Variants in MGST2 observed in about 807,000 individuals in gnomAD.
MGST2 encodes the protein glutathione peroxidase MGST2.
In MGST2, 9 loss-of-function variants were observed where a neutral mutation model predicts 16.6. That is an observed-to-expected ratio of 0.54 (90% CI 0.33 to 0.95). The LOEUF is 0.95. Ranked by LOEUF, MGST2 falls within the 40% of genes least tolerant of loss-of-function variation. The probability of loss-of-function intolerance (pLI) is 0.03; values close to 1 mark genes in which losing one functional copy is unlikely to be tolerated. For missense variants in MGST2, 159 were observed against 175.1 expected (o/e 0.91, Z 0.52); for synonymous variants, 79 against 68.0 (o/e 1.16, Z -0.79).
At chr4:139,681,787 T>C (rs1330787923) in intron 2 of MGST2, among the ~76,000 whole-genome samples, 1 of 152,228 alleles carries the variant, frequency 6.6e-6, no homozygotes, top group Non-Finnish European at 1.5e-5. Context: ...GTACCGGGCA[T>C]TGTTATAATA....
intron 3 of MGST2, among the ~76,000 whole-genome samples, chr4:139,695,851 C>T (rs929446018): frequency 4.6e-5 from 7 of 152,114 alleles, no homozygotes; most frequent in African/African-American, 7.2e-5. Flanking sequence ...ACAGTTGACT[C>T]GAACAATGGA....
At chr4:139,691,706 T>G (rs962989332) in intron 2 of MGST2, among the ~76,000 whole-genome samples, 4 of 151,686 alleles carry the variant, frequency 2.6e-5, no homozygotes, top group Admixed American at 6.6e-5. Context: ...TGATTATTAT[T>G]ATTATTATTT....
chr4:139,676,543 T>C (rs1333726589), intron 1 of MGST2, among the ~76,000 whole-genome samples: 2 of 152,082 alleles, frequency 1.3e-5, no homozygotes, highest in Non-Finnish European at 2.9e-5. Flanking sequence ...CAGTCTTACC[T>C]CCTAGGGCCT....
At chr4:139,725,929 C>G in intron 5 of MGST2, 1 of 1,011,232 alleles carries the variant, frequency 9.9e-7, no homozygotes, top group Non-Finnish European at 1.5e-6. Flanking sequence ...GTAGTGTTTT[C>G]CCCAAAACTA....
rs143681107 is a variant in MGST2, at chr4:139,730,230, A to C, written c.*49-9982A>C. The C allele has an allele frequency of 6.6e-4, 408 of 618,488 alleles. 2 individuals are homozygous for C. The highest frequency in any genetic ancestry group is 5.9e-3 in the African/African-American group (323 of 54,348). 38.3% of individuals were successfully genotyped at this position (618,488 alleles called of 1,614,324 possible). A position where few individuals can be genotyped will look rare whatever the true frequency, so the allele number is the denominator to read the frequency against. ...CTGTCTTTTAAGAACAAATTAATTC[A>C]TTATAGGAAAAACCCTAACTAATTG... On this transcript the variant is annotated intron_variant, in intron 5 of 5. Coordinates refer to the MGST2 transcript ENST00000616265.
intron 2 of MGST2, among the ~76,000 whole-genome samples, chr4:139,691,465 T>C (rs1726575195): frequency 2.6e-5 from 4 of 152,096 alleles, no homozygotes; most frequent in Admixed American, 2.6e-4. Flanking sequence ...GGACGTGTTA[T>C]TGTGGGACAC....
chr4:139,719,066 T>C (rs1461253861), intron 5 of MGST2: 2 of 454,646 alleles, frequency 4.4e-6, no homozygotes, highest in Non-Finnish European at 7.7e-6. Flanking sequence ...TCTTCCCACC[T>C]GCTCCTCCGG....
At chr4:139,673,746 T>C (rs2110802744) in intron 1 of MGST2, among the ~76,000 whole-genome samples, 1 of 152,250 alleles carries the variant, frequency 6.6e-6, no homozygotes, top group Admixed American at 6.5e-5. Context: ...GGTCACACCA[T>C]GTTGCCCAGG....
chr4:139,700,127 CTTTTTTTTTT>C (rs56662682), intron 3 of MGST2, among the ~76,000 whole-genome samples: 1 of 82,972 alleles, frequency 1.2e-5, no homozygotes, highest in South Asian at 4.7e-4. Context: ...TTTGGTTTTG[CTTTTTTTTTT>C]TTTTTTTTTT....
At chr4:139,754,224 A>C in the MGST2 span, among the ~76,000 whole-genome samples, 1 of 152,254 alleles carries the variant, frequency 6.6e-6, no homozygotes, top group South Asian at 2.1e-4. Flanking sequence ...GTGAGTTTTT[A>C]AATGTAAAAA....
intron 5 of MGST2, among the ~76,000 whole-genome samples, chr4:139,714,185 C>T (rs1035545721): frequency 5.9e-5 from 9 of 152,200 alleles, no homozygotes; most frequent in East Asian, 1.9e-4. Flanking sequence ...AGCGGGCTTA[C>T]AGGTATTCTA....
chr4:139,690,071 A>G (rs531134087), intron 2 of MGST2, among the ~76,000 whole-genome samples: 1 of 151,692 alleles, frequency 6.6e-6, no homozygotes, highest in Non-Finnish European at 1.5e-5. Context: ...GGCTCACTGC[A>G]GCCTCCGCCT....
chr4:139,725,827 C>T (rs1340272441), intron 5 of MGST2: 1 of 1,613,824 alleles, frequency 6.2e-7, no homozygotes, highest in Non-Finnish European at 8.5e-7. Flanking sequence ...GATGTGATTG[C>T]TGCAACTGCT....
chr4:139,686,107 C>T (rs1008775966), intron 2 of MGST2, among the ~76,000 whole-genome samples: 2 of 152,196 alleles, frequency 1.3e-5, no homozygotes, highest in East Asian at 1.9e-4. Context: ...CAATCAAATA[C>T]ATTTAAGAAA....
intron 2 of MGST2, among the ~76,000 whole-genome samples, chr4:139,690,897 C>T (rs535883402): frequency 1.6e-4 from 24 of 152,278 alleles, no homozygotes; most frequent in Admixed American, 1.3e-3. Context: ...GGCCCAGGCT[C>T]CATGGTACTG....
At chr4:139,714,591 A>G (rs1006999703) in intron 5 of MGST2, among the ~76,000 whole-genome samples, 1 of 152,254 alleles carries the variant, frequency 6.6e-6, no homozygotes, top group African/African-American at 2.4e-5. Context: ...ATCCAATATC[A>G]AACTGGCAAG....
downstream of MGST2, among the ~76,000 whole-genome samples, chr4:139,708,204 C>T (rs966137667): frequency 7.9e-5 from 12 of 152,114 alleles, no homozygotes; most frequent in East Asian, 5.8e-4. Context: ...AGGTCTAACA[C>T]GTAAGTCTTT....
At position 139,697,524 on chromosome 4, in the gene MGST2, TTAGATCCTTCATC is replaced by T. The variant is rs1352203497; in HGVS notation, c.229+2259_229+2271del. ...TTTGCTGGCATTAAATTCTTCAGCT[TTAGATCCTTCATC>T]TTCCTTTTGCTTAAAGTTGTCATAC... On this transcript the variant is annotated intron_variant, in intron 3 of 4. Coordinates refer to ENST00000265498, the MANE Select transcript of MGST2 (RefSeq NM_002413.5). Among the ~76,000 whole-genome samples, 28 of 152,366 alleles carry T rather than the reference TTAGATCCTTCATC, an allele frequency of 1.8e-4. No individual in the cohort carries two copies. The East Asian group carries it at 5.2e-3, about 28-fold the overall frequency.
intron 5 of MGST2, among the ~76,000 whole-genome samples, chr4:139,724,210 C>G (rs1419946973): frequency 6.6e-6 from 1 of 152,174 alleles, no homozygotes. Context: ...GTGGTAGCTA[C>G]TCAAGACCCA....
Sources: allele counts gnomAD v4.1 joint callset (sites outside exome capture counted in the v4.1 genomes callset), GRCh38; gene constraint gnomAD v4.1.1; transcripts MANE v1.5; gene names NCBI Gene and HGNC (gene_info 2026-07-23, HGNC 2026-07-21).